Variants in BCL7B observed in about 807,000 individuals in gnomAD.
The protein encoded by BCL7B is BAF chromatin remodeling complex subunit BCL7B.
Under a neutral mutation model 26.5 loss-of-function variants are expected in BCL7B, and 11 were observed. The observed-to-expected ratio is 0.42, with a 90% CI of 0.26 to 0.69. The LOEUF is 0.69. Ranked by LOEUF, BCL7B falls within the 30% of genes least tolerant of loss-of-function variation. The pLI, the probability that BCL7B is intolerant of heterozygous loss-of-function variation, is 0.28. For synonymous variants in BCL7B, 111 were observed against 107.9 expected (o/e 1.03, Z -0.18); for missense variants, 215 against 264.4 (o/e 0.81, Z 1.30).
intron 2 of BCL7B, among the ~76,000 whole-genome samples, chr7:73,547,074 C>T (rs1393211247): frequency 2.6e-5 from 4 of 152,198 alleles, no homozygotes; most frequent in Non-Finnish European, 4.4e-5. Flanking sequence ...ATCACTTGAA[C>T]CTGGTAGGTG....
intron 2 of BCL7B, among the ~76,000 whole-genome samples, chr7:73,548,878 C>T (rs1260773433): frequency 6.6e-6 from 1 of 151,844 alleles, no homozygotes; most frequent in Admixed American, 6.6e-5. Flanking sequence ...TGCAGTGAGC[C>T]GAGATTGCGC....
chr7:73,549,733 G>A (rs782784046), intron 2 of BCL7B, among the ~76,000 whole-genome samples: 6 of 152,254 alleles, frequency 3.9e-5, no homozygotes, highest in Non-Finnish European at 8.8e-5. Context: ...AGGAGGCTGA[G>A]GTGGGAGGAT....
At chr7:73,554,776 T>C (rs1792300666) in intron 1 of BCL7B, among the ~76,000 whole-genome samples, 2 of 136,484 alleles carry the variant, frequency 1.5e-5, no homozygotes, top group Non-Finnish European at 3.1e-5. Context: ...CCAGCCTGGG[T>C]GACAGGCAAG....
Position 73,537,398 on chromosome 7 carries a change from C to A in BCL7B, c.517-8G>T. Reference sequence around the variant, plus strand: ...TTCCTCTTCCTCAACGACCTAGGAGCAGGCAGAGCATGGAATGCCAGGGCC... The same window carrying A: ...TTCCTCTTCCTCAACGACCTAGGAGAAGGCAGAGCATGGAATGCCAGGGCC... On this transcript the variant is annotated splice_polypyrimidine_tract_variant and splice_region_variant and intron_variant, in intron 5 of 5. Transcript: ENST00000223368. 6.2e-7 allele frequency: 1 copy of A among 1,612,922 alleles called. No homozygotes were observed.
At chr7:73,546,277 C>G (rs1791955095) in intron 2 of BCL7B, among the ~76,000 whole-genome samples, 1 of 152,080 alleles carries the variant, frequency 6.6e-6, no homozygotes, top group Non-Finnish European at 1.5e-5. Context: ...TGGAGGAACA[C>G]AGGCACCCTG....
chr7:73,541,828 T>G (rs545057608), intron 3 of BCL7B, among the ~76,000 whole-genome samples: 2 of 152,318 alleles, frequency 1.3e-5, no homozygotes, highest in South Asian at 2.1e-4. Flanking sequence ...AAGTCCTTTC[T>G]GATCTCTGGC....
At chr7:73,555,768 A>G (rs1431906105) in intron 1 of BCL7B, among the ~76,000 whole-genome samples, 1 of 152,156 alleles carries the variant, frequency 6.6e-6, no homozygotes, top group Non-Finnish European at 1.5e-5. Context: ...TTTTTTACAG[A>G]TGGGGTCTCA....
At chr7:73,555,002 C>G (rs1302350006) in intron 1 of BCL7B, among the ~76,000 whole-genome samples, 2 of 152,164 alleles carry the variant, frequency 1.3e-5, no homozygotes, top group African/African-American at 4.8e-5. Context: ...TCCCTGCCCT[C>G]ACAGACCCTG....
At chr7:73,542,207 T>C (rs1283715438) in intron 3 of BCL7B, among the ~76,000 whole-genome samples, 1 of 152,232 alleles carries the variant, frequency 6.6e-6, no homozygotes, top group African/African-American at 2.4e-5. Flanking sequence ...TGGGAGTTCA[T>C]TAAGTGTTTA....
In BCL7B at chr7:73,544,557, T is replaced by C. The variant is rs1194006683; in HGVS notation, c.169-913A>G. 5.3e-5 allele frequency among the ~76,000 whole-genome samples: 8 copies of C among 151,786 alleles called. No individual in the cohort carries two copies. The East Asian group carries it at 1.5e-3, about 29-fold the overall frequency. On this transcript the variant is annotated intron_variant, in intron 2 of 5. Coordinates refer to ENST00000223368, the MANE Select transcript of BCL7B (RefSeq NM_001707.4). ...AGGAGAATCGCTTGAACCTGGGGGG[T>C]GGAAGTTGCAGTGAGCCAAGATTCT...
intron 3 of BCL7B, among the ~76,000 whole-genome samples, chr7:73,542,302 G>C (rs139479150): frequency 1.8e-4 from 27 of 152,340 alleles, no homozygotes; most frequent in Middle Eastern, 3.4e-3. Context: ...CTGAACACAC[G>C]TTGGTGTTCC....
At chr7:73,541,465 CTTT>C (rs781916545) in intron 3 of BCL7B, among the ~76,000 whole-genome samples, 7 of 136,510 alleles carry the variant, frequency 5.1e-5, no homozygotes, top group Non-Finnish European at 9.5e-5. Flanking sequence ...ATACCCAGTA[CTTT>C]TTTTTTTTTT....
chr7:73,548,028 G>T (rs1554583630), intron 2 of BCL7B, among the ~76,000 whole-genome samples: 1 of 152,080 alleles, frequency 6.6e-6, no homozygotes, highest in Non-Finnish European at 1.5e-5. Flanking sequence ...CTAGGCACCA[G>T]AACTGCTTGC....
rs370867725 is a variant in BCL7B, at chr7:73,540,159, C to T, written c.266-107G>A. 2.0e-5 allele frequency: 24 copies of T among 1,187,406 alleles called. No homozygotes were observed. In the African/African-American group the frequency reaches 2.7e-4, roughly 14 times the overall value. The allele number at this position is 1,187,406 out of a possible 1,614,324, so 73.6% of individuals were successfully genotyped here. On this transcript the variant is annotated intron_variant, in intron 3 of 5. Transcript: ENST00000223368. ...GCATCACTTTAGGCAGCCAAGGATACAACTGAGTATAATAATCATTGTGCC... is the reference window on the plus strand; with the variant it reads ...GCATCACTTTAGGCAGCCAAGGATATAACTGAGTATAATAATCATTGTGCC...
In BCL7B at chr7:73,542,848, G is replaced by A. The variant is rs1554583020; in HGVS notation, c.265+700C>T. 1.1e-5 allele frequency: 5 copies of A among 449,652 alleles called. No individual in the cohort carries two copies. The Admixed American group carries it at 1.2e-4, about 11-fold the overall frequency. 27.9% of individuals were successfully genotyped at this position (449,652 alleles called of 1,614,324 possible). ...CTTGTACCTTGGGAGGTCAAGGCTG[G>A]GGGACTGCTTGAGGCCAGGAGTTCA... On this transcript the variant is annotated intron_variant, in intron 3 of 5. Transcript: ENST00000223368.
chr7:73,543,646 T>C lies in BCL7B; in HGVS notation c.169-2A>G. The C allele has an allele frequency of 6.2e-7, 1 of 1,611,416 alleles. No homozygotes were observed. The highest frequency in any genetic ancestry group is 8.5e-7 in the Non-Finnish European group (1 of 1,178,474). The stretch of plus-strand genomic sequence containing the variant: ...ACTGTTCGATTTTGACTTTTCTTTC[T>C]AGAAAAGGAAAAAAAGAGGAATATG... On this transcript the variant is annotated splice_acceptor_variant, in intron 2 of 5. Coordinates refer to ENST00000223368, the MANE Select transcript of BCL7B (RefSeq NM_001707.4). LOFTEE classifies it high-confidence loss of function.
Position 73,538,061 on chromosome 7 carries a change from T to C in BCL7B, c.437-48A>G, listed in dbSNP as rs782267419. On this transcript the variant is annotated intron_variant, in intron 4 of 5. Coordinates refer to ENST00000223368, the MANE Select transcript of BCL7B (RefSeq NM_001707.4). ...CTGAGGGCAGGGCTCCCCTGAGGCC[T>C]GGACCTGGGGGAGCTTCCTTAGAGC... 6.1e-6 allele frequency: 8 copies of C among 1,317,374 alleles called. No individual in the cohort carries two copies. The Admixed American group carries it at 1.3e-4, about 22-fold the overall frequency. The allele number at this position is 1,317,374 out of a possible 1,614,324, so 81.6% of individuals were successfully genotyped here. A position where few individuals can be genotyped will look rare whatever the true frequency, so the allele number is the denominator to read the frequency against.
At chr7:73,556,667 G>A (rs1792371320) in intron 1 of BCL7B, among the ~76,000 whole-genome samples, 2 of 152,158 alleles carry the variant, frequency 1.3e-5, no homozygotes, top group Non-Finnish European at 2.9e-5. Flanking sequence ...CGTAGCCCAG[G>A]CTGGAGTGCC....
Position 73,543,627 on chromosome 7 carries a change from C to A in BCL7B, c.186G>T (p.Ser62=). 1 of 1,613,166 alleles carries A rather than the reference C, an allele frequency of 6.2e-7. No homozygotes were observed. Among genetic ancestry groups the A allele is most frequent in the Admixed American group, 1.7e-5 (1 of 59,868 alleles). ...TDSKEKEKSK[S]NSSAAREPNG... ...TAGGTTCTCGGGCTGCTGAACTGTT[C>A]GATTTTGACTTTTCTTTCTAGAAAA... The change falls in exon 3 of 6, where the codon TCG becomes TCT. Residue 62 remains serine, a synonymous_variant. Coordinates refer to ENST00000223368, the MANE Select transcript of BCL7B (RefSeq NM_001707.4).
Sources: gnomAD v4.1 joint callset for allele counts (sites outside exome capture counted in the v4.1 genomes callset) on GRCh38, gnomAD v4.1.1 for gene constraint, MANE v1.5 for transcripts, NCBI Gene and HGNC (gene_info 2026-07-23, HGNC 2026-07-21) for gene names.